Variants in CRIM1 observed in about 807,000 individuals in gnomAD.
The protein encoded by CRIM1 is cysteine-rich motor neuron 1 protein.
In CRIM1, 32 loss-of-function variants were observed where a neutral mutation model predicts 116.4. That is an observed-to-expected ratio of 0.27 (90% CI 0.21 to 0.37). CRIM1 has a LOEUF of 0.37. CRIM1 is among the 10% of genes least tolerant of loss of function. The probability of loss-of-function intolerance (pLI) is 1.00; values close to 1 mark genes in which losing one functional copy is unlikely to be tolerated. For missense variants in CRIM1, 1,331 were observed against 1,354.8 expected (o/e 0.98, Z 0.28); for synonymous variants, 590 against 509.2 (o/e 1.16, Z -2.13).
intron 1 of CRIM1, among the ~76,000 whole-genome samples, chr2:36,389,288 G>C (rs1336672285): frequency 6.6e-6 from 1 of 152,118 alleles, no homozygotes; most frequent in East Asian, 1.9e-4. Context: ...GACTGTATTA[G>C]ATTCCTCCTC....
chr2:36,533,769 T>C (rs1225521015), intron 13 of CRIM1, among the ~76,000 whole-genome samples: 2 of 152,240 alleles, frequency 1.3e-5, no homozygotes, highest in African/African-American at 4.8e-5. Context: ...ATCTTTGATA[T>C]TTCTTCTGTG....
rs773920082 is a variant in CRIM1 at position 36,512,327 on chromosome 2, A to T, written c.1713A>T (p.Ser571=). Residue 571 remains serine, a synonymous_variant, in exon 10 of 17, where the codon TCA becomes TCT. Coordinates refer to ENST00000280527, the MANE Select transcript of CRIM1 (RefSeq NM_016441.3). The part of the protein sequence containing the change: ...ICRCKKCPEL[S]CSKICPLGFQ... ...GCTGTAAGAAATGTCCAGAGCTCTC[A>T]TGCAGTAAGATCTGCCCCTTGGGTT... 1.9e-6 allele frequency: 3 copies of T among 1,613,870 alleles called. No individual in the cohort carries two copies. In the East Asian group the frequency reaches 6.7e-5, roughly 36 times the overall value.
chr2:36,423,104 A>G (rs1674193565), intron 2 of CRIM1, among the ~76,000 whole-genome samples: 1 of 152,228 alleles, frequency 6.6e-6, no homozygotes, highest in Non-Finnish European at 1.5e-5. Context: ...TGTCTAGATC[A>G]GAGATTCTTG....
chr2:36,490,747 A>G (rs1174594070), intron 7 of CRIM1, among the ~76,000 whole-genome samples: 1 of 152,034 alleles, frequency 6.6e-6, no homozygotes, highest in Admixed American at 6.6e-5. Flanking sequence ...ACTCAACCCA[A>G]GAGCCCCGAC....
chr2:36,448,940 T>C (rs184387233), intron 4 of CRIM1, among the ~76,000 whole-genome samples: 4 of 152,198 alleles, frequency 2.6e-5, no homozygotes, highest in Admixed American at 2.0e-4. Flanking sequence ...CCAGAACCTA[T>C]ATCTGGAACA....
intron 2 of CRIM1, among the ~76,000 whole-genome samples, chr2:36,429,763 C>T (rs966872276): frequency 6.6e-6 from 1 of 152,180 alleles, no homozygotes; most frequent in Non-Finnish European, 1.5e-5. Context: ...TGAGGCTTCA[C>T]CCAAGACCAG....
At chr2:36,502,789 G>A (rs1188466521) in intron 8 of CRIM1, among the ~76,000 whole-genome samples, 3 of 152,170 alleles carry the variant, frequency 2.0e-5, no homozygotes, top group East Asian at 1.9e-4. Flanking sequence ...CGTCTCCCAG[G>A]GCTCTACTTG....
intron 2 of CRIM1, among the ~76,000 whole-genome samples, chr2:36,397,315 C>G (rs939546625): frequency 5.9e-5 from 9 of 152,152 alleles, no homozygotes; most frequent in Non-Finnish European, 1.2e-4. Context: ...AAATTGCATT[C>G]AAGTAACAAG....
In CRIM1 at chr2:36,464,564, C is replaced by G. The variant is rs189039301; in HGVS notation, c.900C>G (p.Phe300Leu). 3.9e-5 allele frequency: 63 copies of G among 1,613,972 alleles called. 1 individual carries two copies. In the African/African-American group the frequency reaches 6.9e-4, roughly 18 times the overall value. Reference sequence around the variant, plus strand: ...AGTGTCTCTCTGGCTTATGTGGTTTCCCCGTGTGTGAGGTGGGATCCACTC... The same window carrying G: ...AGTGTCTCTCTGGCTTATGTGGTTTGCCCGTGTGTGAGGTGGGATCCACTC... ...RCECLSGLCG[F>L]PVCEVGSTPR... The change falls in exon 5 of 17, where the codon TTC (phenylalanine) becomes TTG (leucine). Residue 300 changes from phenylalanine to leucine, a missense_variant. Phe to Leu is a conservative substitution (Grantham distance 22). Transcript: ENST00000280527.
intron 1 of CRIM1, among the ~76,000 whole-genome samples, chr2:36,384,009 C>T (rs1670981182): frequency 6.6e-6 from 1 of 152,054 alleles, no homozygotes; most frequent in South Asian, 2.1e-4. Flanking sequence ...CAGAATCAGC[C>T]AAATTAGTAA....
intron 1 of CRIM1, among the ~76,000 whole-genome samples, chr2:36,390,397 G>C (rs1351738856): frequency 5.9e-5 from 9 of 152,148 alleles, no homozygotes; most frequent in African/African-American, 2.2e-4. Context: ...GCTGTCCCTG[G>C]CATTTATTTG....
At chr2:36,445,350 G>T (rs924049481) in intron 4 of CRIM1, among the ~76,000 whole-genome samples, 2 of 152,128 alleles carry the variant, frequency 1.3e-5, no homozygotes, top group Non-Finnish European at 2.9e-5. Context: ...AGCATGGGAT[G>T]CCTTTCACTC....
In CRIM1 at chr2:36,493,226, TAGTG is replaced by T. The variant is rs1272941842; in HGVS notation, c.1373-5990_1373-5987del. The stretch of plus-strand genomic sequence containing the variant: ...GAGTTCGAGACCAGACTGGGCAACA[TAGTG>T]AGACCTCATCTCGAAAGAAGAAGAA... On this transcript the variant is annotated intron_variant, in intron 7 of 16. Transcript: ENST00000280527. Among the ~76,000 whole-genome samples the T allele has an allele frequency of 4.6e-5, 7 of 151,452 alleles. No homozygotes were observed. In the East Asian group the frequency reaches 5.9e-4, roughly 13 times the overall value.
intron 2 of CRIM1, among the ~76,000 whole-genome samples, chr2:36,397,975 A>G (rs1572642011): frequency 1.3e-5 from 2 of 152,268 alleles, no homozygotes; most frequent in Non-Finnish European, 2.9e-5. Flanking sequence ...CTGTCACATC[A>G]TGACTTAAAC....
At chr2:36,490,657 T>C (rs1680163724) in intron 7 of CRIM1, among the ~76,000 whole-genome samples, 1 of 152,138 alleles carries the variant, frequency 6.6e-6, no homozygotes, top group Admixed American at 6.5e-5. Flanking sequence ...ATTTTGACCT[T>C]GCTGTTTGAC....
At chr2:36,486,101 G>T (rs912023266) in intron 7 of CRIM1, among the ~76,000 whole-genome samples, 2 of 152,042 alleles carry the variant, frequency 1.3e-5, no homozygotes, top group African/African-American at 4.8e-5. Context: ...TTACATATTT[G>T]CAATAAAACT....
intron 4 of CRIM1, among the ~76,000 whole-genome samples, chr2:36,450,822 A>C (rs1220748331): frequency 5.3e-5 from 8 of 152,232 alleles, no homozygotes; most frequent in Admixed American, 1.3e-4. Context: ...TTGTGCTCTC[A>C]AGAAAATTCA....
intron 5 of CRIM1, among the ~76,000 whole-genome samples, chr2:36,467,791 A>G (rs1413333390): frequency 1.3e-5 from 2 of 152,226 alleles, no homozygotes; most frequent in Non-Finnish European, 2.9e-5. Context: ...TCAAAGTGAA[A>G]AAGGAGATAG....
intron 2 of CRIM1, among the ~76,000 whole-genome samples, chr2:36,429,657 G>A (rs1416950896): frequency 6.6e-6 from 1 of 152,224 alleles, no homozygotes; most frequent in Non-Finnish European, 1.5e-5. Flanking sequence ...AGAGACTGAT[G>A]TTTGCAAGTG....
Sources: gnomAD v4.1 joint callset for allele counts (sites outside exome capture counted in the v4.1 genomes callset) on GRCh38, gnomAD v4.1.1 for gene constraint, MANE v1.5 for transcripts, NCBI Gene and HGNC (gene_info 2026-07-23, HGNC 2026-07-21) for gene names.